Variants in UROC1 observed in about 807,000 individuals in gnomAD.
The protein encoded by UROC1 is urocanate hydratase 1, also known as urocanate hydratase.
A neutral mutation model predicts 89.5 loss-of-function variants in UROC1; 79 were observed. The ratio of observed to expected loss-of-function variants is 0.88; its 90% CI spans 0.74 to 1.06. The LOEUF (loss-of-function observed/expected upper bound fraction) is 1.06, where lower values mean the gene tolerates loss of function less well. Ranked by LOEUF, UROC1 falls within the 50% of genes least tolerant of loss-of-function variation. The pLI, the probability that UROC1 is intolerant of heterozygous loss-of-function variation, is 0.00. For synonymous variants in UROC1, 361 were observed against 354.8 expected (o/e 1.02, Z -0.20); for missense variants, 885 against 907.8 (o/e 0.97, Z 0.32).
At chr3:126,483,248 A>G (rs1288713304) in intron 19 of UROC1, 121 bp downstream of exon 19, 3 of 883,178 alleles carry the variant, frequency 3.4e-6, no homozygotes, top group Non-Finnish European at 5.5e-6. Context: ...TGCTGTGGTC[A>G]TGAGAGGAAT....
chr3:126,505,849 A>G lies in UROC1; in HGVS notation c.670-5T>C. ...TGCAGCATTCAACACGGTGAGCTGCAGGGAGAAGAGGTGGGGGCTCACTGC... is the reference window on the plus strand; with the variant it reads ...TGCAGCATTCAACACGGTGAGCTGCGGGGAGAAGAGGTGGGGGCTCACTGC... On this transcript the variant is annotated splice_region_variant and splice_polypyrimidine_tract_variant and intron_variant, in intron 7 of 19. Coordinates refer to ENST00000290868, the MANE Select transcript of UROC1 (RefSeq NM_144639.3). The G allele has an allele frequency of 6.2e-7, 1 of 1,613,586 alleles. No homozygotes were observed. The highest frequency in any genetic ancestry group is 8.5e-7 in the Non-Finnish European group (1 of 1,180,004).
intron 2 of UROC1, among the ~76,000 whole-genome samples, chr3:126,510,124 G>A (rs1384969700): frequency 1.3e-5 from 2 of 152,170 alleles, no homozygotes. Context: ...AGCCTGGGCC[G>A]CTGGCACCTT....
chr3:126,483,965 C>T (rs1333621973), intron 18 of UROC1, among the ~76,000 whole-genome samples: 1 of 152,112 alleles, frequency 6.6e-6, no homozygotes, highest in Admixed American at 6.5e-5. Flanking sequence ...AATCCTCTTG[C>T]TTCGACCTCC....
chr3:126,487,892 A>T (rs1270116976), intron 18 of UROC1, among the ~76,000 whole-genome samples: 2 of 152,310 alleles, frequency 1.3e-5, no homozygotes, highest in East Asian at 3.9e-4. Context: ...ACATGCTGGA[A>T]ACTAACTGCA....
At chr3:126,515,464 CTCTCCCTG>C (rs1313219804) in intron 1 of UROC1, among the ~76,000 whole-genome samples, 1 of 145,180 alleles carries the variant, frequency 6.9e-6, no homozygotes, top group Non-Finnish European at 1.5e-5. Context: ...ACCACCTACC[CTCTCCCTG>C]TCTCCCAGCA....
intron 10 of UROC1, 118 bp from the exon 11 acceptor site, chr3:126,500,992 C>A: frequency 7.0e-7 from 1 of 1,426,352 alleles, no homozygotes; most frequent in Non-Finnish European, 9.7e-7. Context: ...AGGCACAGCC[C>A]GAGCCAGACC....
chr3:126,488,181 C>G lies in UROC1; in HGVS notation c.1790+17G>C. Reference sequence around the variant, plus strand: ...CTTCCACATCAGCCCACACCCTGTCCTCTGAAACCTTCTTACCAGCCCACG... The same window carrying G: ...CTTCCACATCAGCCCACACCCTGTCGTCTGAAACCTTCTTACCAGCCCACG... On this transcript the variant is annotated intron_variant, in intron 18 of 19. Transcript: ENST00000290868. 1.2e-6 allele frequency: 2 copies of G among 1,614,232 alleles called. No homozygotes were observed. The highest frequency in any genetic ancestry group is 1.7e-6 in the Non-Finnish European group (2 of 1,180,022).
In UROC1 at chr3:126,508,012, A is replaced by G. The variant is rs961683226; in HGVS notation, c.495T>C (p.Phe165=). The part of the protein sequence containing the change: ...VMYSGHPLGL[F]PSSRSAPRLV... ...GCCGTGGGGCACTGCGGCTGCTGGG[A>G]AAGAGGCCAAGTGGGTGCCCACTGT... Residue 165 remains phenylalanine (F), a synonymous_variant, in exon 5 of 20, where the codon TTT becomes TTC. Coordinates refer to ENST00000290868, the MANE Select transcript of UROC1 (RefSeq NM_144639.3). 1 of 1,613,882 alleles carries G rather than the reference A, an allele frequency of 6.2e-7. No homozygotes were observed. The highest frequency in any genetic ancestry group is 8.5e-7 in the Non-Finnish European group (1 of 1,180,028).
intron 16 of UROC1, among the ~76,000 whole-genome samples, chr3:126,490,899 G>T (rs978083775): frequency 2.0e-5 from 3 of 152,128 alleles, no homozygotes; most frequent in Non-Finnish European, 1.5e-5. Flanking sequence ...CAGCTAAGAA[G>T]TCCTATTCCT....
chr3:126,491,551 C>T (rs1258840645), intron 16 of UROC1, among the ~76,000 whole-genome samples: 1 of 152,254 alleles, frequency 6.6e-6, no homozygotes, highest in Admixed American at 6.5e-5. Flanking sequence ...CTGGCTACTG[C>T]CTTTGCTGCC....
chr3:126,496,944 C>A (rs1217121506), intron 14 of UROC1, among the ~76,000 whole-genome samples: 2 of 152,106 alleles, frequency 1.3e-5, no homozygotes, highest in South Asian at 2.1e-4. Context: ...CCAGGGTCTT[C>A]GTGGGTGCAG....
In UROC1 at chr3:126,517,510, G is replaced by A. The variant is rs983529871; in HGVS notation, c.126+84C>T. Reference sequence around the variant, plus strand: ...GGCGGCTGAGCAGCTCCCACTAAGAGGGCAGGAAGCCTGGGTGCTCACTAT... The same window carrying A: ...GGCGGCTGAGCAGCTCCCACTAAGAAGGCAGGAAGCCTGGGTGCTCACTAT... On this transcript the variant is annotated intron_variant, in intron 1 of 19. Transcript: ENST00000290868. 3.7e-6 allele frequency: 6 copies of A among 1,606,016 alleles called. No homozygotes were observed. The South Asian group carries it at 6.6e-5, about 18-fold the overall frequency.
intron 1 of UROC1, among the ~76,000 whole-genome samples, chr3:126,512,682 T>C (rs1404010978): frequency 1.3e-5 from 2 of 152,176 alleles, no homozygotes; most frequent in Non-Finnish European, 2.9e-5. Context: ...ATGATCACGT[T>C]GCTGCACTCC....
At position 126,505,690 on chromosome 3, in the gene UROC1, C is replaced by T. The variant is rs1936038898; in HGVS notation, c.813+11G>A. 1 of 1,613,346 alleles carries T rather than the reference C, an allele frequency of 6.2e-7. No homozygotes were observed. The highest frequency in any genetic ancestry group is 8.5e-7 in the Non-Finnish European group (1 of 1,179,934). On this transcript the variant is annotated intron_variant, in intron 8 of 19. Coordinates refer to ENST00000290868, the MANE Select transcript of UROC1 (RefSeq NM_144639.3). The stretch of plus-strand genomic sequence containing the variant: ...CAGGCAGGAGCGAAGGCCAGGAGCC[C>T]CCCAGCTTACCTCTGCTATCACACC...
rs574807156 is a variant in UROC1 at position 126,501,737 on chromosome 3, C to G, written c.903-457G>C. 24 of 1,559,526 alleles carry G rather than the reference C, an allele frequency of 1.5e-5. No homozygotes were observed. The South Asian group carries it at 2.5e-4, about 16-fold the overall frequency. ...CAGGCCTTGCAGGTAGTAGAGATAT[C>G]AAAAAGCAGCAATGCACAGGGAAGG... On this transcript the variant is annotated intron_variant, in intron 9 of 19. Coordinates refer to ENST00000290868, the MANE Select transcript of UROC1 (RefSeq NM_144639.3).
At chr3:126,508,991 A>G (rs1009406277) in intron 3 of UROC1, among the ~76,000 whole-genome samples, 1 of 152,184 alleles carries the variant, frequency 6.6e-6, no homozygotes, top group Non-Finnish European at 1.5e-5. Flanking sequence ...CCTTGCATAG[A>G]TACACCCCTG....
intron 6 of UROC1, among the ~76,000 whole-genome samples, chr3:126,506,322 A>G (rs1936059742): frequency 6.6e-6 from 1 of 152,200 alleles, no homozygotes; most frequent in Non-Finnish European, 1.5e-5. Context: ...GCATGCCCAC[A>G]CTACATGCTT....
Position 126,517,730 on chromosome 3 carries a change from G to A in UROC1, c.-11C>T, listed in dbSNP as rs1029667141. On this transcript the variant is annotated 5_prime_UTR_variant, in exon 1 of 20. Coordinates refer to ENST00000290868, the MANE Select transcript of UROC1 (RefSeq NM_144639.3). The stretch of plus-strand genomic sequence containing the variant: ...CTGGAGGCTAGACATGTGTGACTGA[G>A]ATGGAGGCAGAGGCCAGCACTGTGG... The A allele has an allele frequency of 7.7e-6, 12 of 1,563,816 alleles. No individual in the cohort carries two copies. The highest frequency in any genetic ancestry group is 1.0e-5 in the Non-Finnish European group (12 of 1,154,748).
At chr3:126,501,125 T>A in intron 10 of UROC1, 93 bp downstream of exon 10, 1 of 1,392,666 alleles carries the variant, frequency 7.2e-7, no homozygotes, top group South Asian at 1.2e-5. Flanking sequence ...CAAAGCTTTG[T>A]GTCCTGGCAG....
Sources: gnomAD v4.1 joint callset for allele counts (sites outside exome capture counted in the v4.1 genomes callset) on GRCh38, gnomAD v4.1.1 for gene constraint, MANE v1.5 for transcripts, NCBI Gene and HGNC (gene_info 2026-07-23, HGNC 2026-07-21) for gene names.